The following PIAS1 variants were observed in gnomAD, a reference collection of about 807,000 sequenced individuals.
PIAS1 encodes the protein E3 SUMO-protein ligase PIAS1.
PIAS1 carries 6 observed loss-of-function variants against 71.3 expected under a neutral mutation model. That is an observed-to-expected ratio of 0.08 (90% CI 0.05 to 0.17). The LOEUF is 0.17. Among genes scored for constraint, PIAS1 ranks in the 10% least tolerant of loss-of-function variants. PIAS1 has a pLI of 1.00. For synonymous variants in PIAS1, 303 were observed against 292.9 expected (o/e 1.03, Z -0.35); for missense variants, 555 against 793.6 (o/e 0.70, Z 3.61).
In PIAS1 at chr15:68,140,844, C is replaced by T. The variant is rs566026197; in HGVS notation, c.470-1102C>T. ...AGCCGATAGTTTCTTAATAATAACTCTTAGTGATCATTTTCTTCTAGAAAA... is the reference window on the plus strand; with the variant it reads ...AGCCGATAGTTTCTTAATAATAACTTTTAGTGATCATTTTCTTCTAGAAAA... On this transcript the variant is annotated intron_variant, in intron 2 of 13. Coordinates refer to ENST00000249636, the MANE Select transcript of PIAS1 (RefSeq NM_016166.3). 3.9e-5 allele frequency among the ~76,000 whole-genome samples: 6 copies of T among 152,260 alleles called. No individual in the cohort carries two copies. In the East Asian group the frequency reaches 9.7e-4, roughly 24 times the overall value.
At chr15:68,098,621 C>T (rs1052875468) in intron 2 of PIAS1, among the ~76,000 whole-genome samples, 5 of 152,122 alleles carry the variant, frequency 3.3e-5, no homozygotes, top group Admixed American at 1.3e-4. Flanking sequence ...AAGGAAGTCC[C>T]TCTTTCACCC....
chr15:68,082,825 G>C (rs559352940), intron 1 of PIAS1, among the ~76,000 whole-genome samples: 1 of 152,234 alleles, frequency 6.6e-6, no homozygotes, highest in African/African-American at 2.4e-5. Flanking sequence ...ACTTGAAAGT[G>C]GTTGCCTCGG....
At chr15:68,159,030 A>G (rs2062937999) in intron 7 of PIAS1, among the ~76,000 whole-genome samples, 1 of 152,160 alleles carries the variant, frequency 6.6e-6, no homozygotes. Flanking sequence ...TAAAAACAAG[A>G]TTAATTCTGC....
chr15:68,175,129 T>G (rs2141091956), intron 9 of PIAS1, among the ~76,000 whole-genome samples: 2 of 152,328 alleles, frequency 1.3e-5, no homozygotes, highest in African/African-American at 4.8e-5. Flanking sequence ...TTGGTTTCAT[T>G]TAACATTATA....
chr15:68,060,568 G>A (rs567836328), intron 1 of PIAS1, among the ~76,000 whole-genome samples: 12 of 152,140 alleles, frequency 7.9e-5, no homozygotes, highest in Admixed American at 4.6e-4. Flanking sequence ...AGCTGAGACC[G>A]TGCCACTGTA....
intron 7 of PIAS1, among the ~76,000 whole-genome samples, chr15:68,160,419 A>G (rs764494028): frequency 5.3e-5 from 8 of 152,194 alleles, no homozygotes; most frequent in Non-Finnish European, 1.0e-4. Flanking sequence ...CCAATTGACC[A>G]TAGATGTATA....
intron 12 of PIAS1, among the ~76,000 whole-genome samples, chr15:68,182,146 C>T (rs1190379907): frequency 6.6e-6 from 1 of 151,792 alleles, no homozygotes; most frequent in African/African-American, 2.4e-5. Flanking sequence ...TGGGTACATA[C>T]TAGGTGTATA....
At chr15:68,149,783 T>G (rs1178433229) in intron 6 of PIAS1, among the ~76,000 whole-genome samples, 3 of 152,194 alleles carry the variant, frequency 2.0e-5, no homozygotes, top group Admixed American at 1.3e-4. Context: ...GTTTTGAGTT[T>G]TAGGTATGTC....
chr15:68,130,149 C>A (rs1031362618), intron 2 of PIAS1, among the ~76,000 whole-genome samples: 1 of 151,606 alleles, frequency 6.6e-6, no homozygotes, highest in African/African-American at 2.4e-5. Context: ...AATATATACA[C>A]CTGTATACCC....
intron 1 of PIAS1, among the ~76,000 whole-genome samples, chr15:68,072,738 C>T (rs899843397): frequency 6.6e-6 from 1 of 152,164 alleles, no homozygotes; most frequent in African/African-American, 2.4e-5. Context: ...AAAACAGCCT[C>T]TAAATTGGTA....
At position 68,119,237 on chromosome 15, in the gene PIAS1, C is replaced by CAAAAAAAAAAA. The variant is rs60879036; in HGVS notation, c.470-22692_470-22682dup. Among the ~76,000 whole-genome samples, 89 of 27,402 alleles carry CAAAAAAAAAAA rather than the reference C, an allele frequency of 3.2e-3. 31 individuals are homozygous for CAAAAAAAAAAA. Among genetic ancestry groups the CAAAAAAAAAAA allele is most frequent in the East Asian group, 9.1e-3 (5 of 552 alleles). 18.0% of individuals were successfully genotyped at this position (27,402 alleles called of 152,430 possible). A position where few individuals can be genotyped will look rare whatever the true frequency, so the allele number is the denominator to read the frequency against. ...CAACATGGTGAAACCCCATCTCTAC[C>CAAAAAAAAAAA]AAAAAAAAAAAAAAAAAAAAAAAAA... On this transcript the variant is annotated intron_variant, in intron 2 of 13. Transcript: ENST00000249636.
At chr15:68,112,369 A>C (rs1017827395) in intron 2 of PIAS1, among the ~76,000 whole-genome samples, 1 of 152,028 alleles carries the variant, frequency 6.6e-6, no homozygotes, top group East Asian at 1.9e-4. Context: ...TTCCTTCACC[A>C]CAAATTCCTT....
intron 7 of PIAS1, among the ~76,000 whole-genome samples, chr15:68,157,041 CTG>C (rs771424601): frequency 2.0e-5 from 3 of 152,238 alleles, no homozygotes; most frequent in South Asian, 2.1e-4. Flanking sequence ...ATGGCATTGA[CTG>C]TGTGTGTGGA....
intron 2 of PIAS1, among the ~76,000 whole-genome samples, chr15:68,126,615 G>A (rs2092652212): frequency 6.6e-6 from 1 of 152,150 alleles, no homozygotes; most frequent in African/African-American, 2.4e-5. Flanking sequence ...GCCAATTTTT[G>A]TATTTTTAGT....
At chr15:68,069,801 C>T (rs1464901552) in intron 1 of PIAS1, among the ~76,000 whole-genome samples, 2 of 89,728 alleles carry the variant, frequency 2.2e-5, no homozygotes, top group Admixed American at 1.3e-4. Flanking sequence ...AAGACTCCGT[C>T]TCAAAAAAAA....
intron 1 of PIAS1, chr15:68,057,691 C>T (rs949961114): frequency 4.3e-6 from 1 of 234,998 alleles, no homozygotes; most frequent in Non-Finnish European, 8.5e-6. Flanking sequence ...GAGTCAAGTA[C>T]ATCTGATAGT....
Position 68,186,279 on chromosome 15 carries a change from C to T in PIAS1, c.1663-1263C>T, listed in dbSNP as rs1183628824. On this transcript the variant is annotated intron_variant, in intron 13 of 13. Transcript: ENST00000249636. The surrounding 1 kb of genome is among the most constrained non-coding windows in gnomAD (Gnocchi z 4.4). The stretch of plus-strand genomic sequence containing the variant: ...CAGTGACATCGATGACCCTGACCTC[C>T]CTGTGTAGGCCTAGGCTAATGTGTT... 6.6e-6 allele frequency among the ~76,000 whole-genome samples: 1 copy of T among 152,056 alleles called. No individual in the cohort carries two copies. The highest frequency in any genetic ancestry group is 1.5e-5 in the Non-Finnish European group (1 of 68,010).
intron 6 of PIAS1, among the ~76,000 whole-genome samples, chr15:68,147,237 C>T (rs1448374025): frequency 6.6e-6 from 1 of 152,166 alleles, no homozygotes; most frequent in African/African-American, 2.4e-5. Context: ...CTCTGACTTT[C>T]AGTGTTATTT....
chr15:68,156,017 G>A (rs1408696964), intron 7 of PIAS1, among the ~76,000 whole-genome samples: 3 of 152,102 alleles, frequency 2.0e-5, no homozygotes, highest in South Asian at 2.1e-4. Flanking sequence ...CCCAGTCCTC[G>A]CTTTATTTTG....
Sources: gnomAD v4.1 joint callset for allele counts (sites outside exome capture counted in the v4.1 genomes callset) on GRCh38, gnomAD v4.1.1 for gene constraint, Gnocchi (gnomAD v3.1) non-coding constraint, MANE v1.5 for transcripts, NCBI Gene and HGNC (gene_info 2026-07-23, HGNC 2026-07-21) for gene names.